CAPN13: variants seen among roughly 807,000 people sequenced by gnomAD.
The protein encoded by CAPN13 is calpain-13.
CAPN13 carries 90 observed loss-of-function variants against 98.4 expected under a neutral mutation model. That is an observed-to-expected ratio of 0.92 (90% CI 0.77 to 1.09). The LOEUF is 1.09. Among genes scored for constraint, CAPN13 ranks in the 50% least tolerant of loss-of-function variants. CAPN13 has a pLI of 0.00. For missense variants in CAPN13, 887 were observed against 841.3 expected (o/e 1.05, Z -0.67); for synonymous variants, 330 against 305.5 (o/e 1.08, Z -0.84).
chr2:30,745,124 T>C (rs188095580), intron 12 of CAPN13: 1 of 453,490 alleles, frequency 2.2e-6, no homozygotes, highest in Admixed American at 2.5e-5. Flanking sequence ...CACCTCCCTC[T>C]TGGTGGCTCA....
At chr2:30,756,682 G>A (rs889836781) in intron 8 of CAPN13, among the ~76,000 whole-genome samples, 2 of 152,194 alleles carry the variant, frequency 1.3e-5, no homozygotes, top group African/African-American at 4.8e-5. Flanking sequence ...GACTGGGAAG[G>A]AGAACTGGAA....
At chr2:30,751,308 G>T (rs1672166527) in intron 10 of CAPN13, 57 bp from the exon 11 acceptor site, 7 of 1,592,838 alleles carry the variant, frequency 4.4e-6, no homozygotes, top group South Asian at 3.4e-5. Context: ...CTCCTGGGCA[G>T]GGCCATGTCC....
chr2:30,732,374 C>T (rs969908528), intron 20 of CAPN13, 64 bp downstream of exon 20: 35 of 1,598,548 alleles, frequency 2.2e-5, no homozygotes, highest in Middle Eastern at 2.0e-4. Context: ...AGGGGGTGTC[C>T]GGTCCTCTCC....
chr2:30,730,450 T>C (rs2147942136), intron 22 of CAPN13, among the ~76,000 whole-genome samples: 1 of 152,340 alleles, frequency 6.6e-6, no homozygotes, highest in East Asian at 1.9e-4. Context: ...AGAGATACTT[T>C]TTTTCTTTCG....
At chr2:30,735,216 C>T (rs896784519) in intron 18 of CAPN13, among the ~76,000 whole-genome samples, 1 of 152,162 alleles carries the variant, frequency 6.6e-6, no homozygotes, top group African/African-American at 2.4e-5. Flanking sequence ...TGGTCAACAT[C>T]GTACTTCACA....
chr2:30,729,583 T>G (rs1670987983), intron 22 of CAPN13: 1 of 152,224 alleles, frequency 6.6e-6, no homozygotes, highest in South Asian at 2.1e-4. Flanking sequence ...AATCAAATGT[T>G]CTGTTTTTAA....
intron 2 of CAPN13, among the ~76,000 whole-genome samples, chr2:30,786,400 A>T (rs1674283693): frequency 6.6e-6 from 1 of 152,142 alleles, no homozygotes; most frequent in Non-Finnish European, 1.5e-5. Context: ...TCCTGATGAG[A>T]TTATCAGAAT....
At chr2:30,774,087 A>G (rs1226710728) in intron 4 of CAPN13, among the ~76,000 whole-genome samples, 2 of 152,168 alleles carry the variant, frequency 1.3e-5, no homozygotes, top group African/African-American at 2.4e-5. Context: ...AACTTTAAAG[A>G]AACAACCCCT....
chr2:30,728,994 A>G (rs1402584812), intron 22 of CAPN13, among the ~76,000 whole-genome samples: 1 of 152,200 alleles, frequency 6.6e-6, no homozygotes, highest in Non-Finnish European at 1.5e-5. Context: ...AATTTAAAAG[A>G]TACACATTTT....
At chr2:30,801,280 A>T (rs1572893575) in intron 1 of CAPN13, among the ~76,000 whole-genome samples, 1 of 152,158 alleles carries the variant, frequency 6.6e-6, no homozygotes, top group Non-Finnish European at 1.5e-5. Flanking sequence ...CCCTGGGCCT[A>T]TCTTCTTAGG....
chr2:30,738,148 G>T (rs1260507882), intron 17 of CAPN13, 87 bp downstream of exon 17: 17 of 1,414,468 alleles, frequency 1.2e-5, no homozygotes, highest in Non-Finnish European at 1.6e-5. Context: ...TGGGAAAAGG[G>T]TTCCCTACTG....
At chr2:30,805,851 C>T (rs2148126058) in intron 1 of CAPN13, among the ~76,000 whole-genome samples, 1 of 150,930 alleles carries the variant, frequency 6.6e-6, no homozygotes, top group East Asian at 2.0e-4. Flanking sequence ...GCAATCCTTT[C>T]ACCTCAACCA....
At chr2:30,786,404 T>C (rs1488798857) in intron 2 of CAPN13, among the ~76,000 whole-genome samples, 1 of 152,160 alleles carries the variant, frequency 6.6e-6, no homozygotes, top group Non-Finnish European at 1.5e-5. Context: ...GATGAGATTA[T>C]CAGAATGTTG....
intron 10 of CAPN13, 84 bp downstream of exon 10, chr2:30,752,969 C>T (rs979240982): frequency 8.2e-6 from 12 of 1,458,924 alleles, no homozygotes; most frequent in Non-Finnish European, 2.9e-6. Context: ...GAATCAAGGA[C>T]CAGAGAGAGC....
intron 18 of CAPN13, among the ~76,000 whole-genome samples, chr2:30,735,426 C>G (rs956017909): frequency 6.6e-6 from 1 of 152,240 alleles, no homozygotes; most frequent in Non-Finnish European, 1.5e-5. Context: ...AGCTGGACAG[C>G]TTTTTGGGGG....
chr2:30,753,526 T>C (rs987658457), intron 9 of CAPN13, among the ~76,000 whole-genome samples: 1 of 152,212 alleles, frequency 6.6e-6, no homozygotes, highest in Non-Finnish European at 1.5e-5. Context: ...CTGGGTCCTC[T>C]AAGCTGCTAG....
chr2:30,764,196 A>C lies in CAPN13; in HGVS notation c.635T>G (p.Leu212Arg). ...GGTCGCTGTCTTCACTGCCTTCACCAGGTCCACAGGGGAAGAGTGCAGATG... is the reference window on the plus strand; with the variant it reads ...GGTCGCTGTCTTCACTGCCTTCACCCGGTCCACAGGGGAAGAGTGCAGATG... ...NIHLHSSPVD[L>R]VKAVKTATKA... is the part of the protein sequence containing the mutation. The change falls in exon 6 of 23, where the codon CTG becomes CGG. Residue 212 changes from leucine (L) to arginine (R), a missense_variant. By Grantham distance (102) the Leu-to-Arg change is moderately radical. Transcript: ENST00000295055. The C allele has an allele frequency of 2.5e-6, 4 of 1,608,716 alleles. No homozygotes were observed. In the South Asian group the frequency reaches 3.3e-5, roughly 13 times the overall value.
At chr2:30,770,232 T>A in intron 5 of CAPN13, 81 bp downstream of exon 5, 1 of 1,553,890 alleles carries the variant, frequency 6.4e-7, no homozygotes, top group Non-Finnish European at 8.7e-7. Flanking sequence ...GCTGCAATGC[T>A]CCAACAGGGA....
At chr2:30,772,879 T>G (rs1180132689) in intron 4 of CAPN13, among the ~76,000 whole-genome samples, 1 of 151,792 alleles carries the variant, frequency 6.6e-6, no homozygotes, top group Non-Finnish European at 1.5e-5. Flanking sequence ...AGTGCAGTAG[T>G]GCAGTGGCAT....
Sources: gnomAD v4.1 joint callset for allele counts (sites outside exome capture counted in the v4.1 genomes callset) on GRCh38, gnomAD v4.1.1 for gene constraint, MANE v1.5 for transcripts, NCBI Gene and HGNC (gene_info 2026-07-23, HGNC 2026-07-21) for gene names.